UBE2Q2: variants seen among roughly 807,000 people sequenced by gnomAD.
UBE2Q2 encodes ubiquitin-conjugating enzyme E2 Q2.
In UBE2Q2, 54 loss-of-function variants were observed where a neutral mutation model predicts 59.9. That is an observed-to-expected ratio of 0.90 (90% confidence interval 0.72 to 1.13). UBE2Q2 has a LOEUF of 1.13. Among genes scored for constraint, UBE2Q2 ranks in the 50% most tolerant of loss-of-function variants. The pLI is 0.00. For missense variants in UBE2Q2, 433 were observed against 441.9 expected (o/e 0.98, Z 0.18); for synonymous variants, 165 against 155.2 (o/e 1.06, Z -0.47).
intron 1 of UBE2Q2, chr15:75,844,382 A>G (rs1567010643): frequency 3.2e-6 from 5 of 1,551,122 alleles, no homozygotes; most frequent in Non-Finnish European, 4.4e-6. Flanking sequence ...ACGGAGGAAA[A>G]GTTGGAATGC....
chr15:75,883,218 T>G, intron 8 of UBE2Q2, 148 bp from the exon 9 acceptor site: 1 of 638,554 alleles, frequency 1.6e-6, no homozygotes, highest in Non-Finnish European at 2.6e-6. Flanking sequence ...TTGGTTTTCA[T>G]TTTGGTTTTG....
chr15:75,892,946 T>C (rs1899185511), intron 11 of UBE2Q2, among the ~76,000 whole-genome samples: 1 of 152,046 alleles, frequency 6.6e-6, no homozygotes, highest in East Asian at 1.9e-4. Flanking sequence ...TAGATGATTA[T>C]CTCAAAAAAA....
rs397724749 is a variant in UBE2Q2, at chr15:75,875,300, T to TC, written c.589-881dup. Among the ~76,000 whole-genome samples the TC allele has an allele frequency of 2.0e-3, 305 of 151,290 alleles. 6 individuals are homozygous for TC. The highest frequency in any genetic ancestry group is 6.4e-3 in the African/African-American group (266 of 41,272). ...GAAATGAGCTAGGAAACTTGATTTT[T>TC]CCCCCCTTCAAAGTATAGTGCAATG... On this transcript the variant is annotated intron_variant, in intron 5 of 12. Coordinates refer to ENST00000267938, the MANE Select transcript of UBE2Q2 (RefSeq NM_173469.4).
chr15:75,866,082 T>C (rs1897461130), intron 3 of UBE2Q2, among the ~76,000 whole-genome samples: 1 of 152,224 alleles, frequency 6.6e-6, no homozygotes, highest in East Asian at 1.9e-4. Context: ...GCCTATCTCA[T>C]TCTTAATTCT....
chr15:75,892,249 G>A (rs776868534), intron 11 of UBE2Q2, among the ~76,000 whole-genome samples: 11 of 152,140 alleles, frequency 7.2e-5, no homozygotes, highest in East Asian at 1.9e-4. Context: ...TTGTAGGAAA[G>A]CATCTCTAAT....
intron 8 of UBE2Q2, among the ~76,000 whole-genome samples, chr15:75,881,139 A>G (rs28403288): frequency 1.3e-5 from 2 of 152,212 alleles, no homozygotes; most frequent in Admixed American, 6.5e-5. Flanking sequence ...CAGGCCAAAA[A>G]CAAAAAACAA....
intron 12 of UBE2Q2, among the ~76,000 whole-genome samples, chr15:75,898,010 C>A (rs1330832783): frequency 6.6e-6 from 1 of 151,976 alleles, no homozygotes; most frequent in Non-Finnish European, 1.5e-5. Flanking sequence ...AATTTGAGGA[C>A]AAGGCCAGGT....
intron 1 of UBE2Q2, among the ~76,000 whole-genome samples, chr15:75,849,081 A>T (rs1896503875): frequency 6.6e-6 from 1 of 152,084 alleles, no homozygotes; most frequent in Non-Finnish European, 1.5e-5. Context: ...AAGTGTTAGA[A>T]TTTTTACTCT....
At position 75,876,219 on chromosome 15, in the gene UBE2Q2, TAGAC is replaced by T. The variant is rs1898071446; in HGVS notation, c.622_625del (p.Arg208LeufsTer2). 1.2e-6 allele frequency: 2 copies of T among 1,613,960 alleles called. No individual in the cohort carries two copies. The highest frequency in any genetic ancestry group is 1.7e-6 in the Non-Finnish European group (2 of 1,179,962). Reference sequence around the variant, plus strand: ...TGTCTGGGTCAGTGCAAGCTTCAGATAGACTTATGAAAGAGCTCAGGGACATATA... The same window carrying T: ...TGTCTGGGTCAGTGCAAGCTTCAGATTTATGAAAGAGCTCAGGGACATATA... On this transcript the variant is annotated frameshift_variant, in exon 6 of 13. Transcript: ENST00000267938. LOFTEE classifies it high-confidence loss of function.
chr15:75,849,725 A>G (rs144222813), intron 1 of UBE2Q2, among the ~76,000 whole-genome samples: 5 of 152,328 alleles, frequency 3.3e-5, no homozygotes, highest in African/African-American at 1.2e-4. Flanking sequence ...TAGAATTACT[A>G]TAAAACTAAT....
chr15:75,856,093 G>A (rs1251902448), intron 2 of UBE2Q2, among the ~76,000 whole-genome samples: 2 of 151,894 alleles, frequency 1.3e-5, no homozygotes, highest in African/African-American at 2.4e-5. Flanking sequence ...AGGCTGAGGT[G>A]GGAGGATTGC....
At chr15:75,862,585 G>C (rs1448062976) in intron 3 of UBE2Q2, among the ~76,000 whole-genome samples, 3 of 151,488 alleles carry the variant, frequency 2.0e-5, no homozygotes, top group African/African-American at 7.3e-5. Flanking sequence ...GGGAGGCTGA[G>C]GTGGGAGGAT....
At chr15:75,854,613 A>G (rs1295483089) in intron 2 of UBE2Q2, 126 bp downstream of exon 2, 7 of 581,864 alleles carry the variant, frequency 1.2e-5, no homozygotes, top group Non-Finnish European at 1.9e-5. Context: ...ATTAAAGACT[A>G]GTTTGTTTGT....
At chr15:75,855,407 C>T (rs752802836) in intron 2 of UBE2Q2, among the ~76,000 whole-genome samples, 2 of 151,428 alleles carry the variant, frequency 1.3e-5, no homozygotes, top group Non-Finnish European at 2.9e-5. Context: ...AGGAGAATTG[C>T]TTGAATCTGG....
Position 75,843,855 on chromosome 15 carries a change from C to A in UBE2Q2, c.180+9C>A, listed in dbSNP as rs746951462. Reference sequence around the variant, plus strand: ...TCCACTGCAACATCACGGTGAGGCGCCCGGCCGCGGCCCCGCGGGGCAGGG... The same window carrying A: ...TCCACTGCAACATCACGGTGAGGCGACCGGCCGCGGCCCCGCGGGGCAGGG... On this transcript the variant is annotated intron_variant, in intron 1 of 12. Transcript: ENST00000267938. The A allele has an allele frequency of 6.5e-7, 1 of 1,547,666 alleles. No homozygotes were observed. The highest frequency in any genetic ancestry group is 1.9e-5 in the Admixed American group (1 of 51,994).
chr15:75,843,648 C>A lies in UBE2Q2; in HGVS notation c.-19C>A. 6.3e-7 allele frequency: 1 copy of A among 1,578,012 alleles called. No homozygotes were observed. Among genetic ancestry groups the A allele is most frequent in the Non-Finnish European group, 8.6e-7 (1 of 1,164,846 alleles). On this transcript the variant is annotated 5_prime_UTR_variant, in exon 1 of 13. Transcript: ENST00000267938. ...CCCGGCTCCCCTTCCGCGCCCCTCCCGCCGGAGATGAGGGGAAGATGTCCG... is the reference window on the plus strand; with the variant it reads ...CCCGGCTCCCCTTCCGCGCCCCTCCAGCCGGAGATGAGGGGAAGATGTCCG...
chr15:75,858,213 T>C (rs1222778367), intron 2 of UBE2Q2, among the ~76,000 whole-genome samples: 2 of 152,336 alleles, frequency 1.3e-5, no homozygotes, highest in Middle Eastern at 3.4e-3. Flanking sequence ...TTCCTAAATC[T>C]GTATTCATCT....
At chr15:75,887,037 G>C (rs754344575) in intron 9 of UBE2Q2, among the ~76,000 whole-genome samples, 3 of 151,832 alleles carry the variant, frequency 2.0e-5, no homozygotes, top group Admixed American at 1.3e-4. Context: ...TTTAAAATCT[G>C]TTACGTAGTT....
intron 8 of UBE2Q2, among the ~76,000 whole-genome samples, chr15:75,881,156 C>CA (rs1412241664): frequency 6.6e-6 from 1 of 151,700 alleles, no homozygotes; most frequent in Non-Finnish European, 1.5e-5. Context: ...ACAAAACACA[C>CA]AAAAAAGGAA....
Sources: gnomAD v4.1 joint callset for allele counts (sites outside exome capture counted in the v4.1 genomes callset) on GRCh38, gnomAD v4.1.1 for gene constraint, MANE v1.5 for transcripts, NCBI Gene and HGNC (gene_info 2026-07-23, HGNC 2026-07-21) for gene names.